Variants in ARHGAP17 observed in about 807,000 individuals in gnomAD.
ARHGAP17 encodes the protein Rho GTPase activating protein 17.
In ARHGAP17, 57 loss-of-function variants were observed where a neutral mutation model predicts 99.5. The observed-to-expected ratio is 0.57, with a 90% CI of 0.46 to 0.71. The LOEUF is 0.71. Ranked by LOEUF, ARHGAP17 falls within the 30% of genes least tolerant of loss-of-function variation. The probability of loss-of-function intolerance (pLI) is 0.00; values close to 1 mark genes in which losing one functional copy is unlikely to be tolerated. For synonymous variants in ARHGAP17, 417 were observed against 429.6 expected (o/e 0.97, Z 0.36); for missense variants, 1,000 against 1,122.4 (o/e 0.89, Z 1.56).
chr16:24,982,992 ATATATTTTTTTT>A (rs1383016880), intron 1 of ARHGAP17, among the ~76,000 whole-genome samples: 10 of 28,762 alleles, frequency 3.5e-4, no homozygotes, highest in African/African-American at 1.5e-3. Context: ...ATATATATAT[ATATATTTTTTTT>A]TTTTTTTTTT....
intron 19 of ARHGAP17, among the ~76,000 whole-genome samples, chr16:24,921,671 TCA>T (rs1397492767): frequency 2.0e-5 from 3 of 152,282 alleles, no homozygotes; most frequent in South Asian, 2.1e-4. Flanking sequence ...ACCCTTTTTC[TCA>T]CAGTTACTCC....
intron 3 of ARHGAP17, among the ~76,000 whole-genome samples, chr16:24,975,854 T>C (rs530645176): frequency 1.3e-5 from 2 of 152,308 alleles, no homozygotes; most frequent in African/African-American, 4.8e-5. Flanking sequence ...CAAAGGCTGC[T>C]GTGCTCCACT....
intron 19 of ARHGAP17, among the ~76,000 whole-genome samples, chr16:24,926,555 C>G (rs1399783909): frequency 2.6e-5 from 4 of 152,214 alleles, no homozygotes; most frequent in African/African-American, 4.8e-5. Context: ...AGCCACCGTG[C>G]CCCAGCTCAT....
intron 10 of ARHGAP17, 86 bp downstream of exon 10, chr16:24,954,517 G>C: frequency 6.6e-7 from 1 of 1,516,882 alleles, no homozygotes; most frequent in Non-Finnish European, 8.9e-7. Flanking sequence ...AGCAGGGGTG[G>C]ACAGGGGGCT....
chr16:24,998,225 C>T (rs536322879), intron 1 of ARHGAP17, among the ~76,000 whole-genome samples: 1 of 151,710 alleles, frequency 6.6e-6, no homozygotes, highest in Non-Finnish European at 1.5e-5. Context: ...AGACGCAGAG[C>T]GTGGATGACA....
Position 24,996,219 on chromosome 16 carries a change from A to G in ARHGAP17, c.54-17214T>C, listed in dbSNP as rs151273296. 7.8e-3 allele frequency among the ~76,000 whole-genome samples: 1,183 copies of G among 152,304 alleles called. 18 individuals are homozygous for G. The highest frequency in any genetic ancestry group is 0.027 in the African/African-American group (1,114 of 41,566). On this transcript the variant is annotated intron_variant, in intron 1 of 19. Transcript: ENST00000289968. ...GCACTGAAGAATCTTCCTATCATCA[A>G]TAATTTCAGGAACCTACCAGTGGAG... is the stretch of plus-strand genomic sequence containing the variant.
In ARHGAP17 at chr16:24,968,727, G is replaced by T; in HGVS notation, c.318C>A (p.Leu106=). 6.2e-7 allele frequency: 1 copy of T among 1,614,168 alleles called. No homozygotes were observed. The highest frequency in any genetic ancestry group is 8.5e-7 in the Non-Finnish European group (1 of 1,180,048). ...CAAAGACTTCGTGCTGGGAGAGCTC[G>T]AGAGCCAGCTGATTCTCAGCATCTC... The part of the protein sequence containing the change: ...TCGDAENQLA[L]ELSQHEVFVE... Residue 106 remains leucine (L), a synonymous_variant, in exon 5 of 20, where the codon CTC becomes CTA. Transcript: ENST00000289968.
intron 19 of ARHGAP17, chr16:24,927,603 CAGTT>C: frequency 1.5e-6 from 1 of 679,418 alleles, no homozygotes; most frequent in Non-Finnish European, 2.0e-6. Flanking sequence ...TTAGGGTGGC[CAGTT>C]AGTAACAGGC....
chr16:24,929,290 C>T lies in ARHGAP17; in HGVS notation c.2515+1494G>A, dbSNP rs974476236. On this transcript the variant is annotated intron_variant, in intron 19 of 19. Coordinates refer to ENST00000289968, the MANE Select transcript of ARHGAP17 (RefSeq NM_001006634.3). ...AAGCAATCCTCTTGCCTCAGCCACT[C>T]AAAGTACTGGGATTAGAGGCACGAG... 4.6e-4 allele frequency among the ~76,000 whole-genome samples: 70 copies of T among 151,906 alleles called. 2 individuals carry two copies. The highest frequency in any genetic ancestry group is 3.3e-4 in the Admixed American group (5 of 15,234).
intron 14 of ARHGAP17, among the ~76,000 whole-genome samples, chr16:24,944,114 T>C (rs2051396145): frequency 6.6e-6 from 1 of 151,458 alleles, no homozygotes; most frequent in Non-Finnish European, 1.5e-5. Flanking sequence ...GTACTAAAAA[T>C]ACAAAAATTA....
chr16:25,004,415 C>T (rs1408485728), intron 1 of ARHGAP17, among the ~76,000 whole-genome samples: 2 of 152,170 alleles, frequency 1.3e-5, no homozygotes, highest in South Asian at 2.1e-4. Context: ...AGAAACACTT[C>T]GGTGTATTTC....
At position 24,920,015 on chromosome 16, in the gene ARHGAP17, C is replaced by G; in HGVS notation, c.*115G>C. 5 of 1,464,204 alleles carry G rather than the reference C, an allele frequency of 3.4e-6. No homozygotes were observed. Among genetic ancestry groups the G allele is most frequent in the Non-Finnish European group, 4.6e-6 (5 of 1,079,258 alleles). The allele number at this position is 1,464,204 out of a possible 1,614,324, so 90.7% of individuals were successfully genotyped here. On this transcript the variant is annotated 3_prime_UTR_variant, in exon 20 of 20. Coordinates refer to ENST00000289968, the MANE Select transcript of ARHGAP17 (RefSeq NM_001006634.3). ...AGGCCAGGTCCCGCACAGTGAGGCC[C>G]TCCTTTGTCCTCCACTGAAAGCTTT...
chr16:24,998,832 G>C (rs993399217), intron 1 of ARHGAP17, among the ~76,000 whole-genome samples: 1 of 152,198 alleles, frequency 6.6e-6, no homozygotes, highest in Non-Finnish European at 1.5e-5. Flanking sequence ...ACAGAGCCTT[G>C]GAAGTCAGTC....
chr16:24,970,389 G>A (rs766565442), intron 4 of ARHGAP17, 118 bp downstream of exon 4: 163 of 958,998 alleles, frequency 1.7e-4, no homozygotes, highest in Admixed American at 1.5e-3. Context: ...GTCTCCTAGC[G>A]GATGAGCCAT....
intron 6 of ARHGAP17, among the ~76,000 whole-genome samples, chr16:24,965,221 A>G (rs1056035871): frequency 1.1e-4 from 16 of 152,234 alleles, no homozygotes; most frequent in Non-Finnish European, 2.2e-4. Context: ...CTGTAATCCC[A>G]GCACTTTGGG....
At position 24,981,058 on chromosome 16, in the gene ARHGAP17, G is replaced by A. The variant is rs140228310; in HGVS notation, c.54-2053C>T. ...GAACTTGCTCTACAATCCCAATGTG[G>A]GCTATAAGCAGATGTGGGAAAGTTA... is the stretch of plus-strand genomic sequence containing the variant. On this transcript the variant is annotated intron_variant, in intron 1 of 19. Coordinates refer to ENST00000289968, the MANE Select transcript of ARHGAP17 (RefSeq NM_001006634.3). Among the ~76,000 whole-genome samples, 195 of 152,262 alleles carry A rather than the reference G, an allele frequency of 1.3e-3. No individual in the cohort carries two copies. In the South Asian group the frequency reaches 0.028, roughly 22 times the overall value.
intron 19 of ARHGAP17, among the ~76,000 whole-genome samples, chr16:24,928,404 A>T (rs2050896025): frequency 6.6e-6 from 1 of 152,232 alleles, no homozygotes; most frequent in Non-Finnish European, 1.5e-5. Flanking sequence ...CACTTATCTA[A>T]TAATTACAGG....
chr16:24,994,675 T>C (rs2053143820), intron 1 of ARHGAP17, among the ~76,000 whole-genome samples: 1 of 152,126 alleles, frequency 6.6e-6, no homozygotes, highest in Non-Finnish European at 1.5e-5. Flanking sequence ...GGATAAGTAT[T>C]ATTACCCCCG....
In ARHGAP17 at chr16:24,977,302, G is replaced by A. The variant is rs929895490; in HGVS notation, c.111C>T (p.Asp37=). ...EDLLQIERRL[D]TVRSICHHSH... Reference sequence around the variant, plus strand: ...AATGGTGGCATATTGACCGCACCGTGTCCAGGCGTCTCTCAATCTGACAAG... The same window carrying A: ...AATGGTGGCATATTGACCGCACCGTATCCAGGCGTCTCTCAATCTGACAAG... The change falls in exon 3 of 20, where the codon GAC becomes GAT. Residue 37 remains aspartate, a synonymous_variant. Transcript: ENST00000289968. 1.9e-6 allele frequency: 3 copies of A among 1,587,140 alleles called. No homozygotes were observed. Among genetic ancestry groups the A allele is most frequent in the Admixed American group, 1.7e-5 (1 of 58,690 alleles).
Sources: gnomAD v4.1 joint callset for allele counts (sites outside exome capture counted in the v4.1 genomes callset) on GRCh38, gnomAD v4.1.1 for gene constraint, MANE v1.5 for transcripts, NCBI Gene and HGNC (gene_info 2026-07-23, HGNC 2026-07-21) for gene names.